The following CACNA1B variants were observed in gnomAD, a reference collection of about 807,000 sequenced individuals.
The protein encoded by CACNA1B is voltage-dependent N-type calcium channel subunit alpha-1B.
CACNA1B carries 70 observed loss-of-function variants against 247.2 expected under a neutral mutation model. The ratio of observed to expected loss-of-function variants is 0.28; its 90% CI spans 0.23 to 0.35. The LOEUF (loss-of-function observed/expected upper bound fraction) is 0.35, where lower values mean the gene tolerates loss of function less well. Ranked by LOEUF, CACNA1B falls within the 10% of genes least tolerant of loss-of-function variation. The pLI is 1.00. For missense variants in CACNA1B, 2,367 were observed against 3,197.4 expected, an observed-to-expected ratio of 0.74 and a Z score of 6.26; for synonymous variants, 1,231 against 1,294.4, an observed-to-expected ratio of 0.95 and a Z score of 1.05.
rs66621404 is a variant in CACNA1B, at chr9:137,883,092, T to C, written c.530+209T>C. The C allele has an allele frequency of 0.25, 150,884 of 595,278 alleles. 20,858 individuals are homozygous for C. The highest frequency in any genetic ancestry group is 0.29 in the Non-Finnish European group (99,148 of 337,202). The allele number at this position is 595,278 out of a possible 1,614,324, so 36.9% of individuals were successfully genotyped here. A position where few individuals can be genotyped will look rare whatever the true frequency, so the allele number is the denominator to read the frequency against. On this transcript the variant is annotated intron_variant, in intron 3 of 46. Coordinates refer to ENST00000371372, the MANE Select transcript of CACNA1B (RefSeq NM_000718.4). ...CCCAGGGGTGCCAGTGCTGTATTTC[T>C]CGCTGACGGATCACAGTGACCTGTC...
chr9:137,934,725 A>G (rs1387449877), intron 6 of CACNA1B, among the ~76,000 whole-genome samples: 1 of 152,228 alleles, frequency 6.6e-6, no homozygotes, highest in East Asian at 1.9e-4. Flanking sequence ...AAGAGAGACA[A>G]CAATCACTAT....
In CACNA1B at chr9:138,059,219, T is replaced by C; in HGVS notation, c.4584+30T>C. 7.4e-7 allele frequency: 1 copy of C among 1,351,214 alleles called. No homozygotes were observed. 83.7% of individuals were successfully genotyped at this position (1,351,214 alleles called of 1,614,324 possible). On this transcript the variant is annotated intron_variant, in intron 30 of 46. Coordinates refer to ENST00000371372, the MANE Select transcript of CACNA1B (RefSeq NM_000718.4). The surrounding 1 kb of genome is among the most constrained non-coding windows in gnomAD (Gnocchi z 4.2). ...GTGCTTTGGTCCCTGCTTTGCCTTT[T>C]GACAACCTATATTCTGGTTCCCCAT...
chr9:137,987,605 G>T (rs1958381825), intron 15 of CACNA1B, among the ~76,000 whole-genome samples: 1 of 152,236 alleles, frequency 6.6e-6, no homozygotes, highest in East Asian at 1.9e-4. Flanking sequence ...CAGGGGCTTG[G>T]CTTGGCTCCC....
At chr9:138,076,203 G>A (rs921386857) in intron 35 of CACNA1B, among the ~76,000 whole-genome samples, 1 of 152,178 alleles carries the variant, frequency 6.6e-6, no homozygotes, top group Non-Finnish European at 1.5e-5. Context: ...GCTCCCTGGC[G>A]ACAGCTTGGG....
At chr9:138,042,467 A>C (rs924579463) in intron 20 of CACNA1B, among the ~76,000 whole-genome samples, 3 of 152,228 alleles carry the variant, frequency 2.0e-5, no homozygotes, top group African/African-American at 7.2e-5. Flanking sequence ...ACAAAAACAA[A>C]AAAAAAACTT....
At chr9:138,068,346 C>G (rs1258872208) in intron 31 of CACNA1B, among the ~76,000 whole-genome samples, 1 of 152,116 alleles carries the variant, frequency 6.6e-6, no homozygotes, top group Admixed American at 6.6e-5. Flanking sequence ...TTTTACTTTT[C>G]TTTAAAATAT....
intron 36 of CACNA1B, among the ~76,000 whole-genome samples, chr9:138,081,795 C>A (rs1290572531): frequency 6.6e-6 from 1 of 151,016 alleles, no homozygotes; most frequent in African/African-American, 2.5e-5. Context: ...TAGAAAGACA[C>A]AAATTATCAT....
chr9:137,972,257 C>T (rs987056105), intron 11 of CACNA1B, among the ~76,000 whole-genome samples: 3 of 152,226 alleles, frequency 2.0e-5, no homozygotes, highest in Admixed American at 2.0e-4. Flanking sequence ...TGTGGTCTTA[C>T]TTCACAAACA....
At position 138,080,023 on chromosome 9, in the gene CACNA1B, G is replaced by A. The variant is rs567821221; in HGVS notation, c.5094+1765G>A. ...CCGGTAAGAGGAGAGGAGCACAGCC[G>A]GGACAGAGATGCTCTTGACAGTGAG... is the stretch of plus-strand genomic sequence containing the variant. On this transcript the variant is annotated intron_variant, in intron 36 of 46. Coordinates refer to ENST00000371372, the MANE Select transcript of CACNA1B (RefSeq NM_000718.4). Among the ~76,000 whole-genome samples, 85 of 152,294 alleles carry A rather than the reference G, an allele frequency of 5.6e-4. 1 individual carries two copies. Among genetic ancestry groups the A allele is most frequent in the African/African-American group, 1.9e-3 (81 of 41,566 alleles).
At chr9:137,956,259 G>A (rs1957946160) in intron 8 of CACNA1B, among the ~76,000 whole-genome samples, 1 of 152,184 alleles carries the variant, frequency 6.6e-6, no homozygotes, top group African/African-American at 2.4e-5. Context: ...CGACGTGTGG[G>A]TAGGGACGGG....
intron 42 of CACNA1B, among the ~76,000 whole-genome samples, chr9:138,116,370 C>A (rs1361088633): frequency 1.3e-5 from 2 of 152,230 alleles, no homozygotes; most frequent in East Asian, 1.9e-4. Context: ...AGGTGACTTA[C>A]AAGAACCATC....
At chr9:137,892,417 A>C (rs748990964) in intron 3 of CACNA1B, 1 of 450,850 alleles carries the variant, frequency 2.2e-6, no homozygotes, top group African/African-American at 2.0e-5. Flanking sequence ...CACTGTGGCC[A>C]TGTGGCTGTT....
intron 40 of CACNA1B, among the ~76,000 whole-genome samples, chr9:138,114,120 A>G (rs1374077559): frequency 2.6e-5 from 4 of 152,200 alleles, no homozygotes; most frequent in Admixed American, 6.5e-5. Flanking sequence ...GGATGGCCTC[A>G]GCCCGGTCTT....
Position 137,917,455 on chromosome 9 carries a change from C to T in CACNA1B, c.966+24C>T. On this transcript the variant is annotated intron_variant, in intron 6 of 46. Coordinates refer to ENST00000371372, the MANE Select transcript of CACNA1B (RefSeq NM_000718.4). The surrounding 1 kb of genome is among the most constrained non-coding windows in gnomAD (Gnocchi z 5.5). Reference sequence around the variant, plus strand: ...ATGTGAGTGGCGTCTTGGCCCTGGGCCTGAGGGCAGGCCCTGGACCTCCTG... The same window carrying T: ...ATGTGAGTGGCGTCTTGGCCCTGGGTCTGAGGGCAGGCCCTGGACCTCCTG... 2 of 1,604,934 alleles carry T rather than the reference C, an allele frequency of 1.2e-6. No individual in the cohort carries two copies. The highest frequency in any genetic ancestry group is 1.7e-6 in the Non-Finnish European group (2 of 1,174,266).
chr9:138,042,550 T>G lies in CACNA1B; in HGVS notation c.3287-1224T>G, dbSNP rs138836401. Among the ~76,000 whole-genome samples the G allele has an allele frequency of 3.0e-4, 46 of 152,368 alleles. No homozygotes were observed. The East Asian group carries it at 8.7e-3, about 29-fold the overall frequency. On this transcript the variant is annotated intron_variant, in intron 20 of 46. Coordinates refer to ENST00000371372, the MANE Select transcript of CACNA1B (RefSeq NM_000718.4). ...CCTTAGTAGGTAATGTCTAATAAAT[T>G]AATAGAATTTTTTGGGGCTTCAAGT... is the stretch of plus-strand genomic sequence containing the variant.
At chr9:138,066,975 T>C (rs1301556166) in intron 31 of CACNA1B, among the ~76,000 whole-genome samples, 1 of 152,136 alleles carries the variant, frequency 6.6e-6, no homozygotes, top group Non-Finnish European at 1.5e-5. Flanking sequence ...GACACACTTC[T>C]GGCAAGATTA....
At chr9:138,088,707 C>T (rs115034415) in intron 36 of CACNA1B, among the ~76,000 whole-genome samples, 4,589 of 151,794 alleles carry the variant, frequency 0.03, 247 homozygotes, top group African/African-American at 0.1. Flanking sequence ...GTAATCCCAG[C>T]GCTTTGTGAG....
At position 138,023,755 on chromosome 9, in the gene CACNA1B, G is replaced by T. The variant is rs1589075438; in HGVS notation, c.3012G>T (p.Lys1004Asn). 15 of 1,530,136 alleles carry T rather than the reference G, an allele frequency of 9.8e-6. No individual in the cohort carries two copies. Among genetic ancestry groups the T allele is most frequent in the Non-Finnish European group, 1.3e-5 (15 of 1,130,128 alleles). The allele number at this position is 1,530,136 out of a possible 1,614,324, so 94.8% of individuals were successfully genotyped here. Residue 1004 changes from lysine (K) to asparagine (N), a missense_variant, in exon 19 of 47, where the codon AAG (lysine) becomes AAT (asparagine). Physicochemically the swap from Lys to Asn is moderately conservative, Grantham distance 94. Transcript: ENST00000371372. Reference sequence around the variant, plus strand: ...CCACGGAGAAGGAGGCCACGGAGAAGGAGGCTGAGATAGTGGAAGCCGACA... The same window carrying T: ...CCACGGAGAAGGAGGCCACGGAGAATGAGGCTGAGATAGTGGAAGCCGACA... ...KETTEKEATEKEAEIVEADKE... is the reference protein window; with the variant it reads ...KETTEKEATENEAEIVEADKE...
At chr9:138,038,983 G>A (rs933563330) in intron 20 of CACNA1B, among the ~76,000 whole-genome samples, 11 of 151,942 alleles carry the variant, frequency 7.2e-5, no homozygotes, top group Non-Finnish European at 1.6e-4. Context: ...TCAGGAGTTC[G>A]AGACCAGCCT....
Sources: allele counts gnomAD v4.1 joint callset (sites outside exome capture counted in the v4.1 genomes callset), GRCh38; gene constraint gnomAD v4.1.1; non-coding constraint Gnocchi (gnomAD v3.1); transcripts MANE v1.5; gene names NCBI Gene and HGNC (gene_info 2026-07-23, HGNC 2026-07-21).